Variants in PRKG1 observed in about 807,000 individuals in gnomAD.
PRKG1 encodes the protein protein kinase cGMP-dependent 1, also known as cGMP-dependent protein kinase 1.
PRKG1 carries 35 observed loss-of-function variants against 88.1 expected under a neutral mutation model. The observed-to-expected ratio is 0.40, with a 90% CI of 0.30 to 0.53. The LOEUF (loss-of-function observed/expected upper bound fraction) is 0.53, where lower values mean the gene tolerates loss of function less well. PRKG1 is among the 20% of genes least tolerant of loss of function. The pLI is 0.59. For missense variants in PRKG1, 540 were observed against 839.8 expected (o/e 0.64, Z 4.41); for synonymous variants, 303 against 292.5 (o/e 1.04, Z -0.37).
intron 1 of PRKG1, among the ~76,000 whole-genome samples, chr10:51,011,035 T>G (rs997637823): frequency 2.0e-5 from 3 of 152,200 alleles, no homozygotes; most frequent in African/African-American, 7.2e-5. Context: ...ATTGTGGGAT[T>G]CTCCAGTGGA....
chr10:52,248,986 C>T (rs141362600), intron 9 of PRKG1, among the ~76,000 whole-genome samples: 1,168 of 87,714 alleles, frequency 0.013, 68 homozygotes, highest in African/African-American at 0.052. Flanking sequence ...CCCCCTTCCC[C>T]ACGCTTCCCC....
rs1044628407 is a variant in PRKG1 at position 52,239,249 on chromosome 10, C to T, written c.1077-12321C>T. ...TGACAAGTTAGTGGGTGCAGCGCACCGGCATGGCACATGTATACATATGTA... is the reference window on the plus strand; with the variant it reads ...TGACAAGTTAGTGGGTGCAGCGCACTGGCATGGCACATGTATACATATGTA... On this transcript the variant is annotated intron_variant, in intron 9 of 17. Transcript: ENST00000373980. Among the ~76,000 whole-genome samples the T allele has an allele frequency of 6.5e-5, 9 of 138,410 alleles. No individual in the cohort carries two copies. In the East Asian group the frequency reaches 1.3e-3, roughly 19 times the overall value. 90.8% of individuals were successfully genotyped at this position (138,410 alleles called of 152,430 possible).
chr10:51,747,148 G>T (rs1390210315), intron 3 of PRKG1, among the ~76,000 whole-genome samples: 1 of 152,134 alleles, frequency 6.6e-6, no homozygotes, highest in East Asian at 1.9e-4. Context: ...AAATTATTTT[G>T]CATTGCTCTA....
intron 5 of PRKG1, among the ~76,000 whole-genome samples, chr10:52,010,866 G>C (rs1961742): frequency 0.4 from 60,981 of 152,012 alleles, 12,509 homozygotes; most frequent in East Asian, 0.65. Context: ...ACTCCAGAAA[G>C]AAAAAGCCAA....
rs1838422827 is a variant in PRKG1, at chr10:51,595,547, T to C, written c.592+127711T>C. ...TGAGAGGCTGAGGCAGGAGAATCGC[T>C]TGAACCTGGGAAGTAAAGGTTGCAG... On this transcript the variant is annotated intron_variant, in intron 3 of 17. Transcript: ENST00000373980. Among the ~76,000 whole-genome samples, 7 of 148,638 alleles carry C rather than the reference T, an allele frequency of 4.7e-5. 1 individual carries two copies. The highest frequency in any genetic ancestry group is 4.6e-4 in the Admixed American group (7 of 15,184).
chr10:51,534,652 G>A (rs1261520853), intron 3 of PRKG1, among the ~76,000 whole-genome samples: 1 of 125,332 alleles, frequency 8.0e-6, no homozygotes, highest in African/African-American at 3.0e-5. Flanking sequence ...GGGCAACAGA[G>A]CGAGACTCTG....
In PRKG1 at chr10:51,130,777, C is replaced by T. The variant is rs528721367; in HGVS notation, c.312-22387C>T. Among the ~76,000 whole-genome samples the T allele has an allele frequency of 3.3e-5, 5 of 152,118 alleles. No homozygotes were observed. The South Asian group carries it at 6.2e-4, about 19-fold the overall frequency. On this transcript the variant is annotated intron_variant, in intron 1 of 17. Coordinates refer to ENST00000373980, the MANE Select transcript of PRKG1 (RefSeq NM_006258.4). ...AATCAACCGGGCATGGTGGCAGGCACCTGTAATCCCAGCTACTAGGGAGGC... is the reference window on the plus strand; with the variant it reads ...AATCAACCGGGCATGGTGGCAGGCATCTGTAATCCCAGCTACTAGGGAGGC...
At chr10:51,338,217 T>C (rs1841923623) in intron 2 of PRKG1, among the ~76,000 whole-genome samples, 1 of 151,872 alleles carries the variant, frequency 6.6e-6, no homozygotes, top group South Asian at 2.1e-4. Context: ...TGTTGGGCAG[T>C]TGGGTAAGGG....
intron 5 of PRKG1, among the ~76,000 whole-genome samples, chr10:52,026,793 G>A (rs573649459): frequency 2.6e-5 from 4 of 152,218 alleles, no homozygotes; most frequent in Admixed American, 2.0e-4. Context: ...TGGCTAACAC[G>A]GGGAAACCCT....
intron 14 of PRKG1, among the ~76,000 whole-genome samples, chr10:52,285,873 A>G (rs1842106490): frequency 6.6e-6 from 1 of 152,082 alleles, no homozygotes; most frequent in African/African-American, 2.4e-5. Flanking sequence ...CAAGGGAGAT[A>G]GTAGACAGGC....
At chr10:51,942,007 G>T (rs189233327) in intron 5 of PRKG1, among the ~76,000 whole-genome samples, 2 of 152,118 alleles carry the variant, frequency 1.3e-5, no homozygotes, top group Admixed American at 1.3e-4. Flanking sequence ...TCTAGTTCTG[G>T]ATCCCTGAGG....
chr10:51,606,436 G>A (rs1413304694), intron 3 of PRKG1, among the ~76,000 whole-genome samples: 1 of 152,162 alleles, frequency 6.6e-6, no homozygotes, highest in Non-Finnish European at 1.5e-5. Flanking sequence ...TGAGAAGTAT[G>A]TATGTGGTTT....
chr10:51,194,041 A>G (rs1837697475), intron 2 of PRKG1, among the ~76,000 whole-genome samples: 1 of 152,160 alleles, frequency 6.6e-6, no homozygotes, highest in African/African-American at 2.4e-5. Flanking sequence ...ATGACCTTCT[A>G]TTAATTCAAA....
At chr10:52,150,951 T>C (rs1288803084) in intron 8 of PRKG1, among the ~76,000 whole-genome samples, 1 of 152,200 alleles carries the variant, frequency 6.6e-6, no homozygotes, top group East Asian at 1.9e-4. Flanking sequence ...CTAGAATATA[T>C]CAGCTATAGA....
intron 3 of PRKG1, among the ~76,000 whole-genome samples, chr10:51,510,736 A>C (rs181104415): frequency 2.4e-4 from 36 of 147,476 alleles, no homozygotes; most frequent in African/African-American, 8.4e-4. Flanking sequence ...CTTTCCCTGC[A>C]TTGTACTATT....
chr10:51,074,730 A>T lies in PRKG1; in HGVS notation c.140A>T (p.Asp47Val). 6.2e-7 allele frequency: 1 copy of T among 1,614,082 alleles called. No homozygotes were observed. Among genetic ancestry groups the T allele is most frequent in the Non-Finnish European group, 8.5e-7 (1 of 1,179,966 alleles). The change falls in exon 1 of 18, where the codon GAC (aspartate) becomes GTC (valine). Residue 47 changes from aspartate to valine, a missense_variant. Physicochemically the swap from Asp to Val is radical, Grantham distance 152. This residue lies in a region of PRKG1 where 400 missense variants were observed against 562.7 expected (regional missense o/e 0.71). Transcript: ENST00000373980. ...ELIQKLQNEL[D>V]KYRSVIRPAT... ...ATCCAGAAGCTGCAGAACGAGCTGG[A>T]CAAGTACCGCTCGGTGATCCGACCA...
chr10:51,768,465 A>G (rs1838225014), intron 3 of PRKG1, among the ~76,000 whole-genome samples: 1 of 152,194 alleles, frequency 6.6e-6, no homozygotes, highest in South Asian at 2.1e-4. Flanking sequence ...CAAAAAACAT[A>G]TGGAATGGCA....
intron 1 of PRKG1, among the ~76,000 whole-genome samples, chr10:51,067,270 G>GTGTA (rs1348193483): frequency 2.7e-5 from 4 of 146,616 alleles, no homozygotes; most frequent in African/African-American, 7.5e-5. Flanking sequence ...ATGTATGTGT[G>GTGTA]TATATATATA....
At chr10:51,152,312 A>T (rs557794314) in intron 1 of PRKG1, among the ~76,000 whole-genome samples, 1 of 152,048 alleles carries the variant, frequency 6.6e-6, no homozygotes, top group Non-Finnish European at 1.5e-5. Flanking sequence ...TGCACTTCAA[A>T]CATCTTGTTC....
Sources: gnomAD v4.1 joint callset for allele counts (sites outside exome capture counted in the v4.1 genomes callset) on GRCh38, gnomAD v4.1.1 for gene constraint, gnomAD v4.1.1 regional missense constraint, MANE v1.5 for transcripts, NCBI Gene and HGNC (gene_info 2026-07-23, HGNC 2026-07-21) for gene names.